The following GFM2 variants were observed in gnomAD, a reference collection of about 807,000 sequenced individuals.
GFM2 encodes the protein ribosome-releasing factor 2, mitochondrial.
A neutral mutation model predicts 95.4 loss-of-function variants in GFM2; 72 were observed. That is an observed-to-expected ratio of 0.76 (90% CI 0.62 to 0.92). The LOEUF (loss-of-function observed/expected upper bound fraction) is 0.92. Among genes scored for constraint, GFM2 ranks in the 40% least tolerant of loss-of-function variants. GFM2 has a pLI of 0.00. For synonymous variants in GFM2, 276 were observed against 317.5 expected, an observed-to-expected ratio of 0.87 and a Z score of 1.39; for missense variants, 825 against 924.1, an observed-to-expected ratio of 0.89 and a Z score of 1.39.
At position 74,737,242 on chromosome 5, in the gene GFM2, C is replaced by A. The variant is rs1742882064; in HGVS notation, c.1321-257G>T. On this transcript the variant is annotated intron_variant, in intron 14 of 20. Transcript: ENST00000296805. ...ACACACACACATACACATCCAAAAT[C>A]ATTTGGCAAAACAAATGTACCTTCC... Among the ~76,000 whole-genome samples, 3 of 152,284 alleles carry A rather than the reference C, an allele frequency of 2.0e-5. No homozygotes were observed. In the South Asian group the frequency reaches 6.2e-4, roughly 32 times the overall value.
At chr5:74,723,853 C>T (rs1750030121) in intron 19 of GFM2, among the ~76,000 whole-genome samples, 1 of 152,168 alleles carries the variant, frequency 6.6e-6, no homozygotes, top group African/African-American at 2.4e-5. Context: ...CTTCCTACTA[C>T]TTTCATGGCA....
chr5:74,762,768 G>A (rs1254997288), intron 2 of GFM2, among the ~76,000 whole-genome samples: 1 of 152,208 alleles, frequency 6.6e-6, no homozygotes, highest in Non-Finnish European at 1.5e-5. Context: ...TGTATACAAT[G>A]TGGATATGCT....
chr5:74,763,284 T>C (rs1326617687), intron 2 of GFM2, among the ~76,000 whole-genome samples: 1 of 152,228 alleles, frequency 6.6e-6, no homozygotes, highest in Non-Finnish European at 1.5e-5. Flanking sequence ...TGTTGTACTT[T>C]GATATTAACA....
At chr5:74,728,568 G>A (rs980640711) in intron 17 of GFM2, among the ~76,000 whole-genome samples, 31 of 151,892 alleles carry the variant, frequency 2.0e-4, no homozygotes, top group Non-Finnish European at 3.5e-4. Context: ...ACTTTCTATC[G>A]CCTCTCTTAT....
At chr5:74,766,304 A>T (rs567010282) in intron 1 of GFM2, among the ~76,000 whole-genome samples, 2 of 152,372 alleles carry the variant, frequency 1.3e-5, no homozygotes, top group South Asian at 4.1e-4. Flanking sequence ...ATGCCGTCTC[A>T]AAATACCCAT....
At chr5:74,746,241 A>G in intron 8 of GFM2, 76 bp from the exon 9 acceptor site, 1 of 734,376 alleles carries the variant, frequency 1.4e-6, no homozygotes, top group Non-Finnish European at 2.0e-6. Flanking sequence ...GAGGAAAAAA[A>G]ACTCTTTCAG....
chr5:74,760,645 T>G (rs1319914404), intron 3 of GFM2, among the ~76,000 whole-genome samples: 2 of 152,170 alleles, frequency 1.3e-5, no homozygotes, highest in Non-Finnish European at 2.9e-5. Context: ...CATGTTAAAC[T>G]TGCAAACTAG....
intron 8 of GFM2, among the ~76,000 whole-genome samples, chr5:74,747,400 G>C (rs1743441326): frequency 6.6e-6 from 1 of 152,174 alleles, no homozygotes; most frequent in Non-Finnish European, 1.5e-5. Context: ...GTTCTAAAGA[G>C]AATCAATGGA....
intron 3 of GFM2, 43 bp downstream of exon 3, chr5:74,760,859 A>G (rs1471643286): frequency 1.6e-6 from 2 of 1,229,996 alleles, no homozygotes; most frequent in Non-Finnish European, 2.4e-6. Context: ...AAAGAGATAA[A>G]GCAAACAGCT....
chr5:74,751,574 T>G, intron 5 of GFM2, 81 bp from the exon 6 acceptor site: 1 of 955,660 alleles, frequency 1.0e-6, no homozygotes, highest in Non-Finnish European at 1.6e-6. Context: ...TGACACAGTT[T>G]AACCTGCCTT....
At chr5:74,751,623 C>A in intron 5 of GFM2, 130 bp from the exon 6 acceptor site, 1 of 583,914 alleles carries the variant, frequency 1.7e-6, no homozygotes, top group Non-Finnish European at 2.9e-6. Flanking sequence ...TTAATAGAGC[C>A]TTTACTCTTT....
At chr5:74,730,467 G>T (rs1742499512) in intron 16 of GFM2, 69 bp from the exon 17 acceptor site, 2 of 1,099,312 alleles carry the variant, frequency 1.8e-6, no homozygotes, top group African/African-American at 3.2e-5. Flanking sequence ...CTATATAAAA[G>T]TATGATGTTA....
intron 15 of GFM2, among the ~76,000 whole-genome samples, chr5:74,734,889 C>T (rs1307024634): frequency 2.6e-5 from 4 of 152,136 alleles, no homozygotes. Context: ...ACTTTGGATA[C>T]CACACTTTTT....
chr5:74,736,713 A>G (rs906700745), intron 15 of GFM2, 83 bp downstream of exon 15: 1 of 1,569,198 alleles, frequency 6.4e-7, no homozygotes, highest in Non-Finnish European at 8.6e-7. Flanking sequence ...CAATCACATA[A>G]GAAATCTCTT....
At chr5:74,735,333 T>C (rs530498130) in intron 15 of GFM2, among the ~76,000 whole-genome samples, 7 of 152,318 alleles carry the variant, frequency 4.6e-5, no homozygotes, top group African/African-American at 7.2e-5. Context: ...ATTTCTTTCA[T>C]GTGAACTCCA....
rs2112320397 is a variant in GFM2, at chr5:74,750,673, A to G, written c.431-6T>C. The G allele has an allele frequency of 6.2e-7, 1 of 1,607,310 alleles. No individual in the cohort carries two copies. Among genetic ancestry groups the G allele is most frequent in the Non-Finnish European group, 8.5e-7 (1 of 1,174,580 alleles). ...CAAGGTAAAGTCCACATGACCTAAG[A>G]AAAAGATAAGACGTATAATGCCTTC... is the stretch of plus-strand genomic sequence containing the variant. On this transcript the variant is annotated splice_polypyrimidine_tract_variant and splice_region_variant and intron_variant, in intron 6 of 20. Coordinates refer to ENST00000296805, the MANE Select transcript of GFM2 (RefSeq NM_032380.5).
At chr5:74,756,316 C>T (rs1029305221) in intron 5 of GFM2, among the ~76,000 whole-genome samples, 2 of 151,994 alleles carry the variant, frequency 1.3e-5, no homozygotes, top group African/African-American at 2.4e-5. Flanking sequence ...TTTGAAAATG[C>T]ACATCAAAAG....
chr5:74,743,099 T>C (rs1001072082), intron 10 of GFM2, among the ~76,000 whole-genome samples: 5 of 152,198 alleles, frequency 3.3e-5, no homozygotes, highest in Admixed American at 2.0e-4. Flanking sequence ...CTCTCTGCCC[T>C]TCCCCAGCCC....
chr5:74,724,915 G>A (rs576107390), intron 19 of GFM2, among the ~76,000 whole-genome samples: 49 of 152,286 alleles, frequency 3.2e-4, no homozygotes, highest in African/African-American at 1.2e-3. Flanking sequence ...GTAGGTTCAT[G>A]AGGCAGGAAG....
Sources: gnomAD v4.1 joint callset for allele counts (sites outside exome capture counted in the v4.1 genomes callset) on GRCh38, gnomAD v4.1.1 for gene constraint, MANE v1.5 for transcripts, NCBI Gene and HGNC (gene_info 2026-07-23, HGNC 2026-07-21) for gene names.